ARHGAP40: variants seen among roughly 807,000 people sequenced by gnomAD.
ARHGAP40 encodes rho GTPase-activating protein 40.
In ARHGAP40, 43 loss-of-function variants were observed where a neutral mutation model predicts 73.5. The ratio of observed to expected loss-of-function variants is 0.58; its 90% CI spans 0.46 to 0.75. The LOEUF (loss-of-function observed/expected upper bound fraction) is 0.75, where lower values mean the gene tolerates loss of function less well. ARHGAP40 is among the 30% of genes least tolerant of loss of function. The probability of loss-of-function intolerance (pLI) is 0.00; values close to 1 mark genes in which losing one functional copy is unlikely to be tolerated. For missense variants in ARHGAP40, 734 were observed against 861.8 expected (o/e 0.85, Z 1.86); for synonymous variants, 300 against 352.8 (o/e 0.85, Z 1.68).
chr20:38,641,587 T>G (rs571676147), intron 9 of ARHGAP40, 139 bp from the exon 10 acceptor site: 22 of 463,622 alleles, frequency 4.7e-5, no homozygotes, highest in South Asian at 4.3e-4. Context: ...GACAAGGAAA[T>G]AGTCCCACAC....
At chr20:38,605,756 A>G (rs527961987) in intron 1 of ARHGAP40, among the ~76,000 whole-genome samples, 2 of 152,368 alleles carry the variant, frequency 1.3e-5, no homozygotes, top group East Asian at 3.9e-4. Context: ...CGTAAAATGT[A>G]TCTATGATCC....
chr20:38,641,907 C>G, intron 10 of ARHGAP40, 99 bp downstream of exon 10: 1 of 948,850 alleles, frequency 1.1e-6, no homozygotes, highest in Non-Finnish European at 1.4e-6. Context: ...CATTCAACAA[C>G]TCTGCCAGGT....
chr20:38,642,865 G>A (rs368107455), intron 10 of ARHGAP40, among the ~76,000 whole-genome samples: 11 of 152,248 alleles, frequency 7.2e-5, no homozygotes, highest in African/African-American at 2.6e-4. Flanking sequence ...CCTTGGCCAG[G>A]CACAGTGGCT....
intron 1 of ARHGAP40, among the ~76,000 whole-genome samples, chr20:38,612,402 G>A (rs778176368): frequency 3.3e-5 from 5 of 152,156 alleles, no homozygotes; most frequent in Non-Finnish European, 5.9e-5. Context: ...GGCTGGGCAC[G>A]GTGGCTCACA....
chr20:38,644,147 C>T (rs2089037677), intron 11 of ARHGAP40, among the ~76,000 whole-genome samples: 2 of 152,140 alleles, frequency 1.3e-5, no homozygotes, highest in South Asian at 4.1e-4. Context: ...ATCTGGTCTA[C>T]CCCAGATTGC....
At chr20:38,604,436 C>A (rs2088759210) in intron 1 of ARHGAP40, among the ~76,000 whole-genome samples, 2 of 148,162 alleles carry the variant, frequency 1.3e-5, no homozygotes, top group African/African-American at 5.0e-5. Context: ...CACTCCGTTG[C>A]CCAGGCTGGA....
At chr20:38,629,431 G>A (rs1350363606) in intron 4 of ARHGAP40, 71 bp from the exon 5 acceptor site, 24 of 1,290,438 alleles carry the variant, frequency 1.9e-5, no homozygotes, top group South Asian at 1.3e-4. Flanking sequence ...CCTAAGTCCC[G>A]AACCCAAGCA....
intron 6 of ARHGAP40, among the ~76,000 whole-genome samples, chr20:38,636,281 A>AG (rs1342858777): frequency 6.9e-6 from 1 of 145,316 alleles, no homozygotes; most frequent in Non-Finnish European, 1.5e-5. Flanking sequence ...TTTTTTTTTG[A>AG]GAGAAAGTCT....
chr20:38,629,889 C>T (rs2088926766), intron 5 of ARHGAP40, among the ~76,000 whole-genome samples: 1 of 152,162 alleles, frequency 6.6e-6, no homozygotes, highest in African/African-American at 2.4e-5. Flanking sequence ...TGTTTTTATC[C>T]TTAGAAAGCC....
At chr20:38,649,818 T>C (rs2089077697) in exon 15 of ARHGAP40, 1 of 1,305,260 alleles carries the variant, frequency 7.7e-7, no homozygotes, top group Non-Finnish European at 1.0e-6. Flanking sequence ...ACCCGCATGG[T>C]GAGTGGGTCC....
chr20:38,604,397 GT>G (rs5841299), intron 1 of ARHGAP40, among the ~76,000 whole-genome samples: 439 of 138,590 alleles, frequency 3.2e-3, no homozygotes, highest in African/African-American at 8.1e-3. Context: ...GAACAGTGGT[GT>G]TTTTTTTTTT....
intron 1 of ARHGAP40, among the ~76,000 whole-genome samples, chr20:38,617,987 G>A (rs781737395): frequency 6.6e-6 from 1 of 152,226 alleles, no homozygotes; most frequent in Non-Finnish European, 1.5e-5. Context: ...ATATTAAAAT[G>A]AGGAAGCTAA....
intron 1 of ARHGAP40, chr20:38,615,519 C>A: frequency 1.6e-6 from 1 of 638,124 alleles, no homozygotes; most frequent in South Asian, 1.5e-5. Flanking sequence ...TCTCCTTGGG[C>A]CCTTCAGTGT....
At chr20:38,604,397 G>GT (rs5841299) in intron 1 of ARHGAP40, among the ~76,000 whole-genome samples, 22,674 of 138,558 alleles carry the variant, frequency 0.16, 2,013 homozygotes, top group African/African-American at 0.25. Context: ...GAACAGTGGT[G>GT]TTTTTTTTTT....
At chr20:38,611,376 A>G (rs1418423488) in intron 1 of ARHGAP40, among the ~76,000 whole-genome samples, 1 of 105,478 alleles carries the variant, frequency 9.5e-6, no homozygotes, top group South Asian at 2.9e-4. Context: ...TTAGGATTTT[A>G]TTTTTGGTTT....
chr20:38,648,669 T>G, exon 14 of ARHGAP40: 2 of 1,305,018 alleles, frequency 1.5e-6, no homozygotes, highest in Non-Finnish European at 2.0e-6. Flanking sequence ...TCAGCCAACA[T>G]CCTCCTCTAT....
intron 1 of ARHGAP40, among the ~76,000 whole-genome samples, chr20:38,618,163 G>A (rs895286467): frequency 1.3e-5 from 2 of 151,446 alleles, no homozygotes; most frequent in East Asian, 3.9e-4. Flanking sequence ...GCAGTGGTGC[G>A]ATCTTGGTTC....
rs927801534 is a variant in ARHGAP40 at position 38,626,320 on chromosome 20, A to G, written c.338-675A>G. On this transcript the variant is annotated intron_variant, in intron 2 of 14. Transcript: ENST00000373345. Reference sequence around the variant, plus strand: ...AGCTCTTGTCCATTTCCCCCATGATAAGGCCAGTGTTTCTCAAGTGTGGTC... The same window carrying G: ...AGCTCTTGTCCATTTCCCCCATGATGAGGCCAGTGTTTCTCAAGTGTGGTC... 2.6e-5 allele frequency among the ~76,000 whole-genome samples: 4 copies of G among 152,162 alleles called. No homozygotes were observed. The South Asian group carries it at 6.2e-4, about 24-fold the overall frequency.
intron 1 of ARHGAP40, among the ~76,000 whole-genome samples, chr20:38,612,565 G>C (rs575839915): frequency 6.6e-6 from 1 of 152,242 alleles, no homozygotes; most frequent in South Asian, 2.1e-4. Flanking sequence ...TTCCAGCCGG[G>C]AGGCTGAGGC....
Sources: allele counts gnomAD v4.1 joint callset (sites outside exome capture counted in the v4.1 genomes callset), GRCh38; gene constraint gnomAD v4.1.1; transcripts MANE v1.5; gene names NCBI Gene and HGNC (gene_info 2026-07-23, HGNC 2026-07-21).